The following SNX29 variants were observed in gnomAD, a reference collection of about 807,000 sequenced individuals.
The protein encoded by SNX29 is sorting nexin-29.
SNX29 carries 78 observed loss-of-function variants against 102.1 expected under a neutral mutation model. The ratio of observed to expected loss-of-function variants is 0.76; its 90% CI spans 0.64 to 0.92. SNX29 has a LOEUF of 0.92. Ranked by LOEUF, SNX29 falls within the 40% of genes least tolerant of loss-of-function variation. The pLI, the probability that SNX29 is intolerant of heterozygous loss-of-function variation, is 0.00. For missense variants in SNX29, 1,280 were observed against 1,061.7 expected, an observed-to-expected ratio of 1.21 and a Z score of -2.86; for synonymous variants, 580 against 414.5, an observed-to-expected ratio of 1.40 and a Z score of -4.85.
intron 18 of SNX29, among the ~76,000 whole-genome samples, chr16:12,440,557 C>A (rs112116609): frequency 0.019 from 2,836 of 152,166 alleles, 94 homozygotes; most frequent in African/African-American, 0.065. Context: ...TAAGCCGAGT[C>A]CTCATTAGTT....
chr16:12,216,663 C>A (rs1014815718), intron 14 of SNX29, among the ~76,000 whole-genome samples: 1 of 152,148 alleles, frequency 6.6e-6, no homozygotes, highest in African/African-American at 2.4e-5. Context: ...CTAGCTCTGC[C>A]CTTTGCTAGC....
At chr16:12,345,317 T>C (rs1202480303) in intron 15 of SNX29, among the ~76,000 whole-genome samples, 1 of 152,240 alleles carries the variant, frequency 6.6e-6, no homozygotes, top group East Asian at 1.9e-4. Flanking sequence ...GCAAGTGTTC[T>C]AGTCCCTGTG....
In SNX29 at chr16:12,356,289, TC is replaced by T; in HGVS notation, c.1899+14del. On this transcript the variant is annotated intron_variant, in intron 16 of 20. Transcript: ENST00000566228. ...CGATCTCCGGGGACCGGTGAGTGTT[TC>T]CCCAACCCTGTGTGTCTGTCAAGCC... is the stretch of plus-strand genomic sequence containing the variant. 6.3e-7 allele frequency: 1 copy of T among 1,585,532 alleles called. No homozygotes were observed. Among genetic ancestry groups the T allele is most frequent in the African/African-American group, 1.3e-5 (1 of 74,416 alleles).
At chr16:12,542,712 T>C in intron 20 of SNX29, among the ~76,000 whole-genome samples, 1 of 151,212 alleles carries the variant, frequency 6.6e-6, no homozygotes, top group Admixed American at 6.6e-5. Flanking sequence ...TTGGTCCCAG[T>C]CTTTTACTCT....
chr16:12,527,212 G>T, intron 20 of SNX29: 1 of 533,834 alleles, frequency 1.9e-6, no homozygotes. Context: ...TTTCATTTTG[G>T]GGTAATGATG....
chr16:12,433,828 C>T (rs535116850), intron 18 of SNX29, among the ~76,000 whole-genome samples: 1 of 151,976 alleles, frequency 6.6e-6, no homozygotes, highest in Admixed American at 6.5e-5. Context: ...TGTCTCAAAA[C>T]AAAACAAAAA....
intron 11 of SNX29, among the ~76,000 whole-genome samples, chr16:12,121,799 C>A (rs1170815675): frequency 6.6e-6 from 1 of 152,086 alleles, no homozygotes; most frequent in Non-Finnish European, 1.5e-5. Context: ...TTTATTTATT[C>A]ATTTATTGTT....
At chr16:12,144,169 G>A (rs1391771033) in intron 13 of SNX29, among the ~76,000 whole-genome samples, 5 of 152,162 alleles carry the variant, frequency 3.3e-5, no homozygotes, top group Admixed American at 2.6e-4. Flanking sequence ...TGCCAGCAAT[G>A]ATCTGAACGG....
At chr16:12,492,517 A>G (rs1301843708) in intron 19 of SNX29, among the ~76,000 whole-genome samples, 2 of 152,164 alleles carry the variant, frequency 1.3e-5, no homozygotes, top group Non-Finnish European at 2.9e-5. Flanking sequence ...TTTGCTGTGC[A>G]GAAGCTCTTT....
At chr16:12,405,679 T>G (rs1426449693) in intron 18 of SNX29, among the ~76,000 whole-genome samples, 2 of 152,246 alleles carry the variant, frequency 1.3e-5, no homozygotes, top group East Asian at 3.8e-4. Context: ...TAAATGATAT[T>G]GCATAGAAGG....
intron 19 of SNX29, among the ~76,000 whole-genome samples, chr16:12,499,220 A>G (rs1261981818): frequency 6.6e-6 from 1 of 152,224 alleles, no homozygotes; most frequent in African/African-American, 2.4e-5. Context: ...TTCCCTCAGC[A>G]GTACTGTTGG....
intron 18 of SNX29, among the ~76,000 whole-genome samples, chr16:12,468,283 T>C (rs1442932944): frequency 6.7e-6 from 1 of 150,306 alleles, no homozygotes; most frequent in African/African-American, 2.4e-5. Context: ...CAGGCAGTTC[T>C]CATGTCTCAG....
intron 14 of SNX29, among the ~76,000 whole-genome samples, chr16:12,231,845 A>G (rs1346807973): frequency 6.6e-6 from 1 of 152,210 alleles, no homozygotes; most frequent in Non-Finnish European, 1.5e-5. Context: ...TTATATTTGT[A>G]ATTCATGAGT....
intron 18 of SNX29, among the ~76,000 whole-genome samples, chr16:12,409,053 A>G (rs934980838): frequency 6.6e-6 from 1 of 152,208 alleles, no homozygotes; most frequent in Admixed American, 6.5e-5. Flanking sequence ...AAAATAAGAA[A>G]TGGCGGCATT....
chr16:12,228,981 G>A (rs2077694634), intron 14 of SNX29, among the ~76,000 whole-genome samples: 1 of 152,182 alleles, frequency 6.6e-6, no homozygotes, highest in Non-Finnish European at 1.5e-5. Flanking sequence ...TCTAGAATGC[G>A]CTTTTCTCCC....
chr16:12,499,189 T>C (rs1224667362), intron 19 of SNX29, among the ~76,000 whole-genome samples: 3 of 152,212 alleles, frequency 2.0e-5, no homozygotes, highest in Admixed American at 1.3e-4. Flanking sequence ...CAATAAAAAA[T>C]GTGTTTGCTC....
chr16:12,386,466 A>G (rs2083344827), intron 16 of SNX29, among the ~76,000 whole-genome samples: 2 of 152,064 alleles, frequency 1.3e-5, no homozygotes, highest in African/African-American at 4.8e-5. Flanking sequence ...GCAATTCGCA[A>G]TGTGAACTGG....
intron 14 of SNX29, among the ~76,000 whole-genome samples, chr16:12,273,452 G>A (rs978357472): frequency 1.6e-4 from 24 of 150,720 alleles, no homozygotes; most frequent in African/African-American, 4.9e-4. Context: ...TCTGCCTCCC[G>A]GATTCAAGTG....
chr16:12,040,675 T>C (rs2049844979), intron 4 of SNX29, among the ~76,000 whole-genome samples: 1 of 152,142 alleles, frequency 6.6e-6, no homozygotes, highest in African/African-American at 2.4e-5. Flanking sequence ...AGTAGGGAAA[T>C]AGTTATGTTT....
Sources: gnomAD v4.1 joint callset for allele counts (sites outside exome capture counted in the v4.1 genomes callset) on GRCh38, gnomAD v4.1.1 for gene constraint, MANE v1.5 for transcripts, NCBI Gene and HGNC (gene_info 2026-07-23, HGNC 2026-07-21) for gene names.